The following AMOTL1 variants were observed in gnomAD, a reference collection of about 807,000 sequenced individuals.
AMOTL1 encodes the protein angiomotin-like protein 1.
In AMOTL1, 45 loss-of-function variants were observed where a neutral mutation model predicts 102.9. That is an observed-to-expected ratio of 0.44 (90% confidence interval 0.34 to 0.56). The LOEUF (loss-of-function observed/expected upper bound fraction) is 0.56, where lower values mean the gene tolerates loss of function less well. Ranked by LOEUF, AMOTL1 falls within the 20% of genes least tolerant of loss-of-function variation. The pLI is 0.01. For missense variants in AMOTL1, 1,114 were observed against 1,225.6 expected, an observed-to-expected ratio of 0.91 and a Z score of 1.36; for synonymous variants, 481 against 484.7, an observed-to-expected ratio of 0.99 and a Z score of 0.10.
intron 4 of AMOTL1, among the ~76,000 whole-genome samples, chr11:94,827,206 A>G (rs764352438): frequency 1.3e-5 from 2 of 152,236 alleles, no homozygotes; most frequent in Non-Finnish European, 2.9e-5. Context: ...TTAGAATTCC[A>G]ATGAGGGAAA....
rs1950797770 is a variant in AMOTL1, at chr11:94,761,862, AC to A, written c.136+20875del. On this transcript the variant is annotated intron_variant, in intron 3 of 4. Coordinates refer to the AMOTL1 transcript ENST00000299004. ...TAGTGCATATTCTGGAGAGAGAAGA[AC>A]TAAAATTGCTGAACAGGTTGTGGAG... is the stretch of plus-strand genomic sequence containing the variant. Among the ~76,000 whole-genome samples the A allele has an allele frequency of 2.0e-5, 3 of 152,224 alleles. No homozygotes were observed. The South Asian group carries it at 6.2e-4, about 32-fold the overall frequency.
chr11:94,862,523 A>G (rs73518589), intron 9 of AMOTL1, among the ~76,000 whole-genome samples: 47 of 152,328 alleles, frequency 3.1e-4, no homozygotes, highest in African/African-American at 1.1e-3. Flanking sequence ...ATCTTTATGC[A>G]TCTTGATGGT....
intron 2 of AMOTL1, chr11:94,740,404 G>C (rs1203856276): frequency 6.6e-6 from 1 of 152,196 alleles, no homozygotes; most frequent in African/African-American, 2.4e-5. Flanking sequence ...CGCCAGCCGG[G>C]AGTTGGGAGG....
chr11:94,838,168 C>T (rs1952221924), intron 6 of AMOTL1, among the ~76,000 whole-genome samples: 1 of 152,204 alleles, frequency 6.6e-6, no homozygotes, highest in Non-Finnish European at 1.5e-5. Flanking sequence ...TAATCCTTTT[C>T]TATCTTCCCC....
intron 3 of AMOTL1, among the ~76,000 whole-genome samples, chr11:94,749,344 C>T (rs1055444134): frequency 6.6e-6 from 1 of 151,954 alleles, no homozygotes; most frequent in African/African-American, 2.4e-5. Context: ...TGCCTTTCCT[C>T]AGCCCTTTTG....
chr11:94,779,075 C>T (rs1951069485), intron 1 of AMOTL1, among the ~76,000 whole-genome samples: 1 of 151,960 alleles, frequency 6.6e-6, no homozygotes, highest in South Asian at 2.1e-4. Context: ...GGATGTAGAC[C>T]CACCTTTCCA....
chr11:94,839,113 C>A (rs1952243522), intron 6 of AMOTL1, among the ~76,000 whole-genome samples: 3 of 152,244 alleles, frequency 2.0e-5, no homozygotes, highest in South Asian at 4.1e-4. Flanking sequence ...AACCAGCCAT[C>A]TGATGGCCGC....
At chr11:94,849,062 A>T (rs1297618921) in intron 6 of AMOTL1, among the ~76,000 whole-genome samples, 1 of 152,178 alleles carries the variant, frequency 6.6e-6, no homozygotes, top group Non-Finnish European at 1.5e-5. Context: ...TCCATTTCTA[A>T]CTACTATTGT....
chr11:94,824,262 C>A (rs1346511903), intron 4 of AMOTL1, among the ~76,000 whole-genome samples: 1 of 152,166 alleles, frequency 6.6e-6, no homozygotes, highest in Non-Finnish European at 1.5e-5. Context: ...CACTTAATAT[C>A]ATCAATAGGT....
intron 1 of AMOTL1, among the ~76,000 whole-genome samples, chr11:94,716,286 A>G (rs1950098160): frequency 6.6e-6 from 1 of 152,114 alleles, no homozygotes; most frequent in African/African-American, 2.4e-5. Flanking sequence ...AAACATTTTT[A>G]TAATGATTGC....
intron 8 of AMOTL1, among the ~76,000 whole-genome samples, chr11:94,857,347 C>T (rs1952688862): frequency 6.6e-6 from 1 of 152,172 alleles, no homozygotes; most frequent in Admixed American, 6.5e-5. Context: ...CAAATTCCAC[C>T]CTTATCCCGG....
intron 8 of AMOTL1, among the ~76,000 whole-genome samples, chr11:94,856,889 T>C (rs1382599475): frequency 1.3e-5 from 2 of 152,220 alleles, no homozygotes; most frequent in Non-Finnish European, 2.9e-5. Flanking sequence ...GCCCTTTGAC[T>C]TATGCCGGGA....
chr11:94,862,655 T>A (rs1455031976), intron 9 of AMOTL1, among the ~76,000 whole-genome samples: 1 of 152,204 alleles, frequency 6.6e-6, no homozygotes, highest in Admixed American at 6.5e-5. Context: ...ACTATCTAAG[T>A]TGCTTTCCTC....
intron 2 of AMOTL1, among the ~76,000 whole-genome samples, chr11:94,797,647 C>T (rs981378657): frequency 1.5e-4 from 23 of 152,360 alleles, no homozygotes; most frequent in Non-Finnish European, 2.8e-4. Context: ...AGTTTTGGAG[C>T]TATCACTTGT....
chr11:94,763,999 AAG>A (rs958483968), upstream of AMOTL1, among the ~76,000 whole-genome samples: 31 of 152,358 alleles, frequency 2.0e-4, no homozygotes, highest in African/African-American at 6.5e-4. Flanking sequence ...TGTTTATAAA[AAG>A]AAGAAATTAA....
At position 94,799,764 on chromosome 11, in the gene AMOTL1, G is replaced by A. The variant is rs758770540; in HGVS notation, c.574G>A (p.Glu192Lys). The change falls in exon 3 of 13, where the codon GAG becomes AAG. Residue 192 changes from glutamate to lysine, a missense_variant. Coordinates refer to ENST00000433060, the MANE Select transcript of AMOTL1 (RefSeq NM_130847.3). The surrounding 1 kb of genome is among the most constrained non-coding windows in gnomAD (Gnocchi z 4.5). The stretch of plus-strand genomic sequence containing the variant: ...GAACAACGAGGAACTGCCCACTTAC[G>A]AGGAGGCCAAAGCACAGTCGCAGTT... ...QQNNEELPTY[E>K]EAKAQSQFFR... 1.9e-6 allele frequency: 3 copies of A among 1,609,012 alleles called. No homozygotes were observed. Among genetic ancestry groups the A allele is most frequent in the Admixed American group, 1.7e-5 (1 of 59,360 alleles).
rs928954314 is a variant in AMOTL1, at chr11:94,864,644, A to G, written c.2136-91A>G. 2.0e-6 allele frequency: 3 copies of G among 1,527,140 alleles called. No homozygotes were observed. In the African/African-American group the frequency reaches 4.1e-5, roughly 21 times the overall value. 94.6% of individuals were successfully genotyped at this position (1,527,140 alleles called of 1,614,324 possible). A position where few individuals can be genotyped will look rare whatever the true frequency, so the allele number is the denominator to read the frequency against. ...ATGCAGAGCTGATCTCTGTTCCAGCATGAACACCAGCCTCTCCATTCTGTG... is the reference window on the plus strand; with the variant it reads ...ATGCAGAGCTGATCTCTGTTCCAGCGTGAACACCAGCCTCTCCATTCTGTG... On this transcript the variant is annotated intron_variant, in intron 9 of 12. Coordinates refer to ENST00000433060, the MANE Select transcript of AMOTL1 (RefSeq NM_130847.3).
chr11:94,812,075 A>G (rs976209273), intron 3 of AMOTL1, among the ~76,000 whole-genome samples: 2 of 152,198 alleles, frequency 1.3e-5, no homozygotes, highest in Non-Finnish European at 2.9e-5. Context: ...GATTCTCCGG[A>G]GGGGAAGTTG....
intron 3 of AMOTL1, among the ~76,000 whole-genome samples, chr11:94,741,610 C>T (rs1313348893): frequency 2.0e-5 from 3 of 152,086 alleles, no homozygotes; most frequent in African/African-American, 7.2e-5. Context: ...CCGGGACACT[C>T]TTGTCAAGAG....
Sources: allele counts gnomAD v4.1 joint callset (sites outside exome capture counted in the v4.1 genomes callset), GRCh38; gene constraint gnomAD v4.1.1; non-coding constraint Gnocchi (gnomAD v3.1); transcripts MANE v1.5; gene names NCBI Gene and HGNC (gene_info 2026-07-23, HGNC 2026-07-21).